SLIT1: variants seen among roughly 807,000 people sequenced by gnomAD.
SLIT1 encodes the protein slit guidance ligand 1.
SLIT1 carries 66 observed loss-of-function variants against 186.1 expected under a neutral mutation model. The observed-to-expected ratio is 0.35, with a 90% CI of 0.29 to 0.44. The LOEUF (loss-of-function observed/expected upper bound fraction) is 0.44, where lower values mean the gene tolerates loss of function less well. Ranked by LOEUF, SLIT1 falls within the 20% of genes least tolerant of loss-of-function variation. The pLI, the probability that SLIT1 is intolerant of heterozygous loss-of-function variation, is 1.00. For synonymous variants in SLIT1, 761 were observed against 833.8 expected, an observed-to-expected ratio of 0.91 and a Z score of 1.50; for missense variants, 1,638 against 2,037.4, an observed-to-expected ratio of 0.80 and a Z score of 3.77.
chr10:97,109,850 C>A (rs959304507), intron 4 of SLIT1, among the ~76,000 whole-genome samples: 1 of 152,194 alleles, frequency 6.6e-6, no homozygotes, highest in Non-Finnish European at 1.5e-5. Context: ...AGCCAGCGGG[C>A]AGACACAGCC....
chr10:97,056,764 G>T (rs1467265373), intron 12 of SLIT1, among the ~76,000 whole-genome samples: 5 of 152,216 alleles, frequency 3.3e-5, no homozygotes, highest in Admixed American at 2.6e-4. Context: ...GCATTTTTGG[G>T]GGGGGCTCCT....
At chr10:97,064,949 C>T (rs898774889) in intron 5 of SLIT1, 73 bp from the exon 6 acceptor site, 19 of 1,185,846 alleles carry the variant, frequency 1.6e-5, no homozygotes, top group African/African-American at 1.5e-4. Context: ...ATTCTGACCG[C>T]GTGCTCCATT....
chr10:97,145,338 G>A lies in SLIT1; in HGVS notation c.413+12480C>T, dbSNP rs1849806159. Among the ~76,000 whole-genome samples the A allele has an allele frequency of 3.3e-5, 5 of 152,078 alleles. No individual in the cohort carries two copies. The South Asian group carries it at 1.0e-3, about 32-fold the overall frequency. On this transcript the variant is annotated intron_variant, in intron 4 of 36. Coordinates refer to ENST00000266058, the MANE Select transcript of SLIT1 (RefSeq NM_003061.3). ...TCGCCCTGTTGGCCGGGATGGTCTC[G>A]AACTCCTGACCTCGCGACCCACCCT...
chr10:97,013,641 C>T, intron 30 of SLIT1, 100 bp downstream of exon 30: 1 of 859,848 alleles, frequency 1.2e-6, no homozygotes, highest in Non-Finnish European at 1.9e-6. Flanking sequence ...ACCCATTGGA[C>T]AAATGAGGGA....
intron 1 of SLIT1, among the ~76,000 whole-genome samples, chr10:97,169,242 G>A (rs936407522): frequency 6.6e-5 from 10 of 152,198 alleles, no homozygotes; most frequent in Non-Finnish European, 1.5e-4. Flanking sequence ...GCTCTCTAAC[G>A]CAGAGCTTAA....
intron 4 of SLIT1, chr10:97,155,561 A>C (rs1849938921): frequency 6.6e-6 from 1 of 152,282 alleles, no homozygotes; most frequent in Non-Finnish European, 1.5e-5. Context: ...TGGTGGATTC[A>C]GATTTACATG....
chr10:97,133,265 A>G (rs139547095), intron 4 of SLIT1, among the ~76,000 whole-genome samples: 1 of 152,302 alleles, frequency 6.6e-6, no homozygotes, highest in East Asian at 1.9e-4. Context: ...AAAAAGATAC[A>G]CACTGGGCCA....
chr10:97,085,218 C>A (rs1849146377), intron 4 of SLIT1, among the ~76,000 whole-genome samples: 2 of 152,060 alleles, frequency 1.3e-5, no homozygotes, highest in African/African-American at 2.4e-5. Flanking sequence ...CCACCACGCC[C>A]AGCGTTACTT....
At chr10:97,158,266 G>C (rs1849977124) in intron 3 of SLIT1, among the ~76,000 whole-genome samples, 1 of 152,150 alleles carries the variant, frequency 6.6e-6, no homozygotes, top group South Asian at 2.1e-4. Context: ...CACTTGAAAT[G>C]GGAGACATAC....
chr10:97,070,144 C>T (rs1482505131), intron 4 of SLIT1, among the ~76,000 whole-genome samples: 1 of 152,208 alleles, frequency 6.6e-6, no homozygotes, highest in Non-Finnish European at 1.5e-5. Context: ...GACACAACCC[C>T]CCAACATTGT....
intron 3 of SLIT1, among the ~76,000 whole-genome samples, chr10:97,162,222 A>G (rs1850037722): frequency 6.6e-6 from 1 of 152,186 alleles, no homozygotes; most frequent in Non-Finnish European, 1.5e-5. Flanking sequence ...TTATATTGCG[A>G]GCACATTCCC....
At chr10:97,088,660 T>C (rs1289417081) in intron 4 of SLIT1, among the ~76,000 whole-genome samples, 1 of 152,202 alleles carries the variant, frequency 6.6e-6, no homozygotes, top group Non-Finnish European at 1.5e-5. Flanking sequence ...CACCTATGTG[T>C]CATCTGTGTG....
At chr10:97,141,730 CTGTAT>C (rs975160716) in intron 4 of SLIT1, among the ~76,000 whole-genome samples, 7 of 124,288 alleles carry the variant, frequency 5.6e-5, no homozygotes, top group East Asian at 2.6e-4. Flanking sequence ...TTGTATTGTA[CTGTAT>C]TGTATCGTAT....
intron 30 of SLIT1, 37 bp from the exon 31 acceptor site, chr10:97,011,167 CCA>C: frequency 6.5e-7 from 1 of 1,546,990 alleles, no homozygotes; most frequent in South Asian, 1.1e-5. Context: ...GGGGGGTCAG[CCA>C]CACAGAGTCT....
intron 11 of SLIT1, among the ~76,000 whole-genome samples, chr10:97,058,669 G>A (rs1848863586): frequency 2.0e-5 from 3 of 152,196 alleles, no homozygotes; most frequent in Admixed American, 1.3e-4. Context: ...ACTCCCCGGG[G>A]GAGTTCTATT....
intron 26 of SLIT1, 27 bp from the exon 27 acceptor site, chr10:97,019,134 AG>A: frequency 1.4e-6 from 1 of 715,558 alleles, no homozygotes; most frequent in Non-Finnish European, 2.4e-6. Context: ...GTGCTAGTGC[AG>A]GGGGAGGGGT....
At chr10:97,092,012 C>T (rs1349109166) in intron 4 of SLIT1, among the ~76,000 whole-genome samples, 1 of 152,250 alleles carries the variant, frequency 6.6e-6, no homozygotes, top group Non-Finnish European at 1.5e-5. Flanking sequence ...ATTGCCTCAT[C>T]TTCTTACATT....
At chr10:97,048,808 T>G in intron 14 of SLIT1, 147 bp downstream of exon 14, 1 of 735,968 alleles carries the variant, frequency 1.4e-6, no homozygotes, top group East Asian at 2.6e-5. Context: ...GGCGGGCAGG[T>G]ATGCAGGTGG....
intron 4 of SLIT1, among the ~76,000 whole-genome samples, chr10:97,119,431 A>G (rs1443077081): frequency 6.6e-6 from 1 of 152,234 alleles, no homozygotes; most frequent in Non-Finnish European, 1.5e-5. Flanking sequence ...GGAACCAAGC[A>G]GACATCTGGG....
Sources: gnomAD v4.1 joint callset for allele counts (sites outside exome capture counted in the v4.1 genomes callset) on GRCh38, gnomAD v4.1.1 for gene constraint, MANE v1.5 for transcripts, NCBI Gene and HGNC (gene_info 2026-07-23, HGNC 2026-07-21) for gene names.